RAP1B: variants seen among roughly 807,000 people sequenced by gnomAD.
RAP1B encodes ras-related protein Rap-1b.
In RAP1B, 1 loss-of-function variant was observed where a neutral mutation model predicts 27.5. The ratio of observed to expected loss-of-function variants is 0.04; its 90% CI spans 0.01 to 0.17. The LOEUF is 0.17. Among genes scored for constraint, RAP1B ranks in the 10% least tolerant of loss-of-function variants. RAP1B has a pLI of 1.00. For synonymous variants in RAP1B, 75 were observed against 73.1 expected, an observed-to-expected ratio of 1.03 and a Z score of -0.13; for missense variants, 84 against 214.8, an observed-to-expected ratio of 0.39 and a Z score of 3.81.
intron 1 of RAP1B, chr12:68,641,056 G>C (rs1221354597): frequency 6.6e-6 from 1 of 152,230 alleles, no homozygotes; most frequent in Non-Finnish European, 1.5e-5. Context: ...TTGTCACCCA[G>C]GCTGGAGTGC....
intron 1 of RAP1B, among the ~76,000 whole-genome samples, chr12:68,628,299 C>T (rs1871968877): frequency 6.6e-6 from 1 of 152,184 alleles, no homozygotes; most frequent in Admixed American, 6.5e-5. Flanking sequence ...GCTGCAGAAA[C>T]AACTGATACA....
In RAP1B at chr12:68,670,571, G is replaced by A. The variant is rs1042746757; in HGVS notation, c.*11322G>A. 6.6e-6 allele frequency: 1 copy of A among 152,092 alleles called. No homozygotes were observed. The highest frequency in any genetic ancestry group is 2.4e-5 in the African/African-American group (1 of 41,414). The allele number at this position is 152,092 out of a possible 1,614,324, so 9.4% of individuals were successfully genotyped here. On this transcript the variant is annotated 3_prime_UTR_variant, in exon 8 of 8. Coordinates refer to ENST00000250559, the MANE Select transcript of RAP1B (RefSeq NM_001010942.3). ...TTATGTCCCAATAAGCCCATCAGAA[G>A]TCAAAAATGTAAGTCGAAAATGCAT...
intron 1 of RAP1B, among the ~76,000 whole-genome samples, chr12:68,617,809 G>C: frequency 6.6e-6 from 1 of 151,950 alleles, no homozygotes; most frequent in Admixed American, 6.6e-5. Flanking sequence ...TGTCACCCAG[G>C]CTGGAGTGCA....
rs557949331 is a variant in RAP1B, at chr12:68,669,629, C to G, written c.*10380C>G. The G allele has an allele frequency of 3.9e-5, 6 of 152,162 alleles. No individual in the cohort carries two copies. Among genetic ancestry groups the G allele is most frequent in the African/African-American group, 1.5e-4 (6 of 41,376 alleles). The allele number at this position is 152,162 out of a possible 1,614,324, so 9.4% of individuals were successfully genotyped here. A position where few individuals can be genotyped will look rare whatever the true frequency, so the allele number is the denominator to read the frequency against. On this transcript the variant is annotated 3_prime_UTR_variant, in exon 8 of 8. Coordinates refer to ENST00000250559, the MANE Select transcript of RAP1B (RefSeq NM_001010942.3). ...CATCCTGGCTAACATGGTGAAACCC[C>G]GTCTCTACTAAAAATACAAAAATTA...
chr12:68,652,732 A>G (rs1263270883), intron 4 of RAP1B, among the ~76,000 whole-genome samples: 6 of 150,990 alleles, frequency 4.0e-5, no homozygotes, highest in African/African-American at 1.5e-4. Flanking sequence ...GCAGGAGAAT[A>G]GCTTGAACCC....
rs1011860052 is a variant in RAP1B at position 68,654,353 on chromosome 12, G to T, written c.324+101G>T. The T allele has an allele frequency of 1.6e-5, 7 of 450,832 alleles. 1 individual carries two copies. The highest frequency in any genetic ancestry group is 2.3e-5 in the Non-Finnish European group (7 of 298,726). 27.9% of individuals were successfully genotyped at this position (450,832 alleles called of 1,614,324 possible). A position where few individuals can be genotyped will look rare whatever the true frequency, so the allele number is the denominator to read the frequency against. On this transcript the variant is annotated intron_variant, in intron 5 of 7. Transcript: ENST00000250559. ...TTTTAAAGCTTGTGTATTTTGGTTG[G>T]GGGGGGGGTGTTGGTTTTTTTAAAC...
At chr12:68,658,373 A>G (rs993890877) in intron 7 of RAP1B, among the ~76,000 whole-genome samples, 9 of 152,130 alleles carry the variant, frequency 5.9e-5, no homozygotes, top group Non-Finnish European at 1.3e-4. Context: ...TTAATTTGCA[A>G]CAGTCTGCCA....
chr12:68,648,409 G>C (rs60284374), intron 1 of RAP1B, among the ~76,000 whole-genome samples: 2 of 152,214 alleles, frequency 1.3e-5, no homozygotes, highest in South Asian at 4.1e-4. Context: ...ACAAATGAGT[G>C]GATATGGCTG....
chr12:68,635,051 TGAGTAAGATTG>T (rs2135939531), intron 1 of RAP1B, among the ~76,000 whole-genome samples: 1 of 152,348 alleles, frequency 6.6e-6, no homozygotes, highest in South Asian at 2.1e-4. Context: ...CTTGGCAGAA[TGAGTAAGATTG>T]GAAACATTTT....
At chr12:68,611,129 G>T (rs997587200) in intron 1 of RAP1B, 86 bp downstream of exon 1, 53 of 157,342 alleles carry the variant, frequency 3.4e-4, no homozygotes, top group Non-Finnish European at 6.8e-5. Flanking sequence ...AGCGGGTGGG[G>T]TGCGGCGAGG....
rs750425040 is a variant in RAP1B at position 68,664,427 on chromosome 12, G to T, written c.*5178G>T. 6.6e-6 allele frequency: 1 copy of T among 152,208 alleles called. No individual in the cohort carries two copies. The highest frequency in any genetic ancestry group is 1.5e-5 in the Non-Finnish European group (1 of 68,092). The allele number at this position is 152,208 out of a possible 1,614,324, so 9.4% of individuals were successfully genotyped here. A position where few individuals can be genotyped will look rare whatever the true frequency, so the allele number is the denominator to read the frequency against. On this transcript the variant is annotated 3_prime_UTR_variant, in exon 8 of 8. Transcript: ENST00000250559. ...GGAGTAAATGATATAATCCAGTCTG[G>T]CCTGGCATGGTGGCTCACACTTGTA...
At chr12:68,654,536 GGCTGAAGT>G (rs940688460) in intron 5 of RAP1B, among the ~76,000 whole-genome samples, 22 of 151,388 alleles carry the variant, frequency 1.5e-4, no homozygotes, top group African/African-American at 5.4e-4. Flanking sequence ...CTGTTGCCCA[GGCTGAAGT>G]GCTGTGGTGC....
At chr12:68,626,467 G>A (rs552581558) in intron 1 of RAP1B, among the ~76,000 whole-genome samples, 1 of 152,098 alleles carries the variant, frequency 6.6e-6, no homozygotes. Context: ...TTTAAATTTT[G>A]GACATAGAGA....
chr12:68,623,340 G>GT (rs1203468246), intron 1 of RAP1B, among the ~76,000 whole-genome samples: 1 of 152,080 alleles, frequency 6.6e-6, no homozygotes, highest in African/African-American at 2.4e-5. Context: ...TATTAAAGGA[G>GT]TTTTAGATTA....
rs370741311 is a variant in RAP1B at position 68,661,326 on chromosome 12, C to T, written c.*2077C>T. On this transcript the variant is annotated 3_prime_UTR_variant, in exon 8 of 8. Coordinates refer to ENST00000250559, the MANE Select transcript of RAP1B (RefSeq NM_001010942.3). Reference sequence around the variant, plus strand: ...TATGTCCTGTTACATCCATTGATACCGCCATTATTCAATAATTACTTTTAA... The same window carrying T: ...TATGTCCTGTTACATCCATTGATACTGCCATTATTCAATAATTACTTTTAA... The T allele has an allele frequency of 2.6e-4, 40 of 152,024 alleles. No individual in the cohort carries two copies. The highest frequency in any genetic ancestry group is 9.2e-4 in the African/African-American group (38 of 41,380). The allele number at this position is 152,024 out of a possible 1,614,324, so 9.4% of individuals were successfully genotyped here.
At chr12:68,625,536 G>T (rs1592428881) in intron 1 of RAP1B, among the ~76,000 whole-genome samples, 8 of 152,266 alleles carry the variant, frequency 5.3e-5, no homozygotes, top group Middle Eastern at 3.4e-3. Context: ...TTTCCATTAG[G>T]AATATTCTGG....
At chr12:68,635,353 T>TA (rs1438724456) in intron 1 of RAP1B, among the ~76,000 whole-genome samples, 2 of 152,216 alleles carry the variant, frequency 1.3e-5, no homozygotes, top group African/African-American at 4.8e-5. Context: ...CTTTAGCTGT[T>TA]AAAGTATTAC....
chr12:68,643,760 TATA>T (rs1469989120), intron 1 of RAP1B, among the ~76,000 whole-genome samples: 5 of 152,180 alleles, frequency 3.3e-5, no homozygotes, highest in African/African-American at 9.6e-5. Context: ...TCAGCATTCT[TATA>T]ATAATATTGG....
rs765551069 is a variant in RAP1B at position 68,662,493 on chromosome 12, G to A, written c.*3244G>A. ...TCCATTTATAAAATGAAGTTTTGCCGTTTTTTTTTTTAAATCATTCCGTCT... is the reference window on the plus strand; with the variant it reads ...TCCATTTATAAAATGAAGTTTTGCCATTTTTTTTTTTAAATCATTCCGTCT... On this transcript the variant is annotated 3_prime_UTR_variant, in exon 8 of 8. Transcript: ENST00000250559. 4.8e-5 allele frequency: 7 copies of A among 146,212 alleles called. No homozygotes were observed. The highest frequency in any genetic ancestry group is 2.0e-4 in the East Asian group (1 of 5,030). 9.1% of individuals were successfully genotyped at this position (146,212 alleles called of 1,614,324 possible).
Sources: allele counts gnomAD v4.1 joint callset (sites outside exome capture counted in the v4.1 genomes callset), GRCh38; gene constraint gnomAD v4.1.1; transcripts MANE v1.5; gene names NCBI Gene and HGNC (gene_info 2026-07-23, HGNC 2026-07-21).